TRHDE: variants seen among roughly 807,000 people sequenced by gnomAD.
TRHDE encodes thyrotropin releasing hormone degrading enzyme.
TRHDE carries 72 observed loss-of-function variants against 125.7 expected under a neutral mutation model. That is an observed-to-expected ratio of 0.57 (90% CI 0.47 to 0.70). The LOEUF (loss-of-function observed/expected upper bound fraction) is 0.70, where lower values mean the gene tolerates loss of function less well. TRHDE is among the 30% of genes least tolerant of loss of function. The probability of loss-of-function intolerance (pLI) is 0.00; values close to 1 mark genes in which losing one functional copy is unlikely to be tolerated. For synonymous variants in TRHDE, 509 were observed against 509.1 expected (o/e 1.00, Z 0.00); for missense variants, 1,110 against 1,327.1 (o/e 0.84, Z 2.54).
intron 15 of TRHDE, among the ~76,000 whole-genome samples, chr12:72,636,480 T>C (rs1289458097): frequency 6.6e-6 from 1 of 151,294 alleles, no homozygotes; most frequent in East Asian, 1.9e-4. Flanking sequence ...CTTTTCCTAA[T>C]TGAATACCCT....
intron 6 of TRHDE, among the ~76,000 whole-genome samples, chr12:72,540,566 G>C (rs1040688232): frequency 1.3e-5 from 2 of 151,674 alleles, no homozygotes; most frequent in Admixed American, 1.3e-4. Flanking sequence ...GACTGCTTTA[G>C]ATACTAAGTC....
intron 2 of TRHDE, among the ~76,000 whole-genome samples, chr12:72,236,703 C>T (rs577656527): frequency 2.0e-5 from 3 of 152,108 alleles, no homozygotes; most frequent in Non-Finnish European, 2.9e-5. Context: ...ATCCAAAAAA[C>T]AGTATGCTGC....
intron 7 of TRHDE, among the ~76,000 whole-genome samples, chr12:72,552,117 G>A (rs977197161): frequency 6.6e-6 from 1 of 152,146 alleles, no homozygotes; most frequent in African/African-American, 2.4e-5. Context: ...ATTATTCCAA[G>A]TGCTGTATTA....
At chr12:72,454,397 C>T (rs1239782289) in intron 3 of TRHDE, among the ~76,000 whole-genome samples, 1 of 152,016 alleles carries the variant, frequency 6.6e-6, no homozygotes, top group East Asian at 1.9e-4. Flanking sequence ...AGTTGGTGCT[C>T]AGGTGCTGTC....
intron 6 of TRHDE, among the ~76,000 whole-genome samples, chr12:72,539,668 A>T (rs1869047138): frequency 6.6e-6 from 1 of 151,908 alleles, no homozygotes; most frequent in Non-Finnish European, 1.5e-5. Flanking sequence ...TTAAAAAGAT[A>T]TTCCAGATAT....
intron 2 of TRHDE, among the ~76,000 whole-genome samples, chr12:72,213,415 C>G (rs1056925568): frequency 2.2e-4 from 33 of 152,056 alleles, no homozygotes; most frequent in African/African-American, 8.0e-4. Context: ...AGGCACTTTT[C>G]TAGATATTTC....
chr12:72,594,522 A>G (rs1240091947), intron 12 of TRHDE, among the ~76,000 whole-genome samples: 1 of 144,096 alleles, frequency 6.9e-6, no homozygotes, highest in Non-Finnish European at 1.5e-5. Flanking sequence ...TTTTTTTAAT[A>G]TTACTAGGTA....
chr12:72,512,648 A>C (rs1285321859), intron 6 of TRHDE, among the ~76,000 whole-genome samples: 1 of 143,398 alleles, frequency 7.0e-6, no homozygotes, highest in Non-Finnish European at 1.5e-5. Flanking sequence ...ATATATAATC[A>C]TATATAATAT....
chr12:72,150,726 A>G (rs1407663658), intron 2 of TRHDE, among the ~76,000 whole-genome samples: 1 of 151,704 alleles, frequency 6.6e-6, no homozygotes, highest in Non-Finnish European at 1.5e-5. Flanking sequence ...AAGGACATGA[A>G]CTCATCATTT....
At chr12:72,513,387 T>C (rs1878693046) in intron 6 of TRHDE, among the ~76,000 whole-genome samples, 1 of 152,088 alleles carries the variant, frequency 6.6e-6, no homozygotes, top group African/African-American at 2.4e-5. Context: ...CTCAGGTAAA[T>C]ATGTTATTTC....
At chr12:72,184,703 T>C (rs567011601) in intron 2 of TRHDE, among the ~76,000 whole-genome samples, 4 of 152,194 alleles carry the variant, frequency 2.6e-5, no homozygotes, top group African/African-American at 9.6e-5. Flanking sequence ...CTGCAATTTC[T>C]TCTTGTGTCT....
Position 72,562,212 on chromosome 12 carries a change from C to A in TRHDE, c.1836C>A (p.Leu612=). The A allele has an allele frequency of 1.9e-6, 3 of 1,554,718 alleles. No individual in the cohort carries two copies. The highest frequency in any genetic ancestry group is 2.6e-6 in the Non-Finnish European group (3 of 1,132,304). The change falls in exon 8 of 19, where the codon CTC becomes CTA. Residue 612 remains leucine, a synonymous_variant. Transcript: ENST00000261180. Reference sequence around the variant, plus strand: ...ATGGTAATGCAGCCAGAAATGATCTCTGGAATACATTATCGGAGGTAAAGT... The same window carrying A: ...ATGGTAATGCAGCCAGAAATGATCTATGGAATACATTATCGGAGGTAAAGT... The part of the protein sequence containing the change: ...HKYGNAARND[L]WNTLSEALKR...
chr12:72,366,883 G>T (rs897421261), intron 2 of TRHDE, among the ~76,000 whole-genome samples: 1 of 151,986 alleles, frequency 6.6e-6, no homozygotes, highest in East Asian at 1.9e-4. Flanking sequence ...GAAATTTAGC[G>T]TAAGGCTGAC....
intron 3 of TRHDE, among the ~76,000 whole-genome samples, chr12:72,426,477 A>G (rs1184409815): frequency 2.0e-5 from 3 of 152,174 alleles, no homozygotes; most frequent in Non-Finnish European, 2.9e-5. Flanking sequence ...AGACTCTTTT[A>G]TAAATAATCT....
At chr12:72,370,946 T>A (rs1871554070) in intron 2 of TRHDE, among the ~76,000 whole-genome samples, 2 of 152,118 alleles carry the variant, frequency 1.3e-5, no homozygotes, top group Non-Finnish European at 2.9e-5. Flanking sequence ...TTTCGCCATG[T>A]TGGCCATGCG....
chr12:72,178,528 C>G (rs1256800246), intron 2 of TRHDE, among the ~76,000 whole-genome samples: 1 of 151,990 alleles, frequency 6.6e-6, no homozygotes, highest in Non-Finnish European at 1.5e-5. Flanking sequence ...AGAAATATCT[C>G]AATAACAGAG....
Position 72,663,160 on chromosome 12 carries a change from C to T in TRHDE, c.3175C>T (p.Leu1059Phe). 6.2e-7 allele frequency: 1 copy of T among 1,612,748 alleles called. No homozygotes were observed. The highest frequency in any genetic ancestry group is 8.5e-7 in the Non-Finnish European group (1 of 1,179,308). Residue 1059 changes from leucine (L) to phenylalanine (F), a missense_variant, in exon 19 of 19, where the codon CTT (leucine) becomes TTT (phenylalanine). Leu to Phe is a conservative substitution (Grantham distance 22). Around this residue, in one of 5 missense-constraint regions of TRHDE, gnomAD observed 527 missense variants for 651.8 expected, o/e 0.81. Transcript: ENST00000261180. ...VRWKMLYQDE[L>F]FQWLGKALRH is the part of the protein sequence containing the mutation. ...CTGGAAAATGCTTTACCAAGACGAG[C>T]TTTTCCAATGGTTAGGAAAAGCTCT... is the stretch of plus-strand genomic sequence containing the variant.
At chr12:72,477,213 G>A (rs930969357) in intron 5 of TRHDE, among the ~76,000 whole-genome samples, 1 of 152,100 alleles carries the variant, frequency 6.6e-6, no homozygotes, top group Non-Finnish European at 1.5e-5. Flanking sequence ...ATGGGCCTGG[G>A]AAAATGAAAG....
At chr12:72,216,022 T>C (rs1471841418) in intron 2 of TRHDE, among the ~76,000 whole-genome samples, 1 of 152,176 alleles carries the variant, frequency 6.6e-6, no homozygotes, top group African/African-American at 2.4e-5. Context: ...CTAAATGACA[T>C]TAGGCAAGTT....
Sources: gnomAD v4.1 joint callset for allele counts (sites outside exome capture counted in the v4.1 genomes callset) on GRCh38, gnomAD v4.1.1 for gene constraint, gnomAD v4.1.1 regional missense constraint, MANE v1.5 for transcripts, NCBI Gene and HGNC (gene_info 2026-07-23, HGNC 2026-07-21) for gene names.